The following SUSD1 variants were observed in gnomAD, a reference collection of about 807,000 sequenced individuals.
SUSD1 encodes sushi domain-containing protein 1.
Under a neutral mutation model 86.9 loss-of-function variants are expected in SUSD1, and 65 were observed. The observed-to-expected ratio is 0.75, with a 90% confidence interval of 0.61 to 0.92. The LOEUF is 0.92. SUSD1 is among the 40% of genes least tolerant of loss of function. SUSD1 has a pLI of 0.00. For missense variants in SUSD1, 850 were observed against 929.7 expected (o/e 0.91, Z 1.11); for synonymous variants, 346 against 350.0 (o/e 0.99, Z 0.13).
rs1045433649 is a variant in SUSD1, at chr9:112,102,104, T to C, written c.1281+72A>G. 3 of 735,294 alleles carry C rather than the reference T, an allele frequency of 4.1e-6. No individual in the cohort carries two copies. The African/African-American group carries it at 5.5e-5, about 13-fold the overall frequency. The allele number at this position is 735,294 out of a possible 1,614,324, so 45.5% of individuals were successfully genotyped here. A position where few individuals can be genotyped will look rare whatever the true frequency, so the allele number is the denominator to read the frequency against. On this transcript the variant is annotated intron_variant, in intron 9 of 16. Transcript: ENST00000374270. ...TTCATTCATTTTTAAATACTTTGGA[T>C]ACTTACTTGGAGATCGCCCAAATTT...
intron 13 of SUSD1, 95 bp from the exon 14 acceptor site, chr9:112,058,781 CTT>C: frequency 6.7e-7 from 1 of 1,488,588 alleles, no homozygotes; most frequent in Non-Finnish European, 9.0e-7. Flanking sequence ...AGACAAACCT[CTT>C]TCTTTGTTTT....
At chr9:112,141,345 C>T (rs559069745) in intron 5 of SUSD1, among the ~76,000 whole-genome samples, 1 of 152,314 alleles carries the variant, frequency 6.6e-6, no homozygotes, top group South Asian at 2.1e-4. Flanking sequence ...TAAAATAATA[C>T]TTGGCACACA....
chr9:112,043,030 A>G (rs538936686), intron 15 of SUSD1, among the ~76,000 whole-genome samples: 2 of 152,298 alleles, frequency 1.3e-5, no homozygotes, highest in Non-Finnish European at 2.9e-5. Context: ...GCCCCTGTTC[A>G]TTCCTGGGCG....
chr9:112,061,468 C>T (rs2118986290), intron 13 of SUSD1, among the ~76,000 whole-genome samples: 1 of 152,338 alleles, frequency 6.6e-6, no homozygotes, highest in Non-Finnish European at 1.5e-5. Flanking sequence ...TCTCCACTTC[C>T]TGTTTTGGAG....
intron 7 of SUSD1, 42 bp from the exon 8 acceptor site, chr9:112,111,882 C>A: frequency 6.3e-7 from 1 of 1,594,408 alleles, no homozygotes; most frequent in South Asian, 1.1e-5. Context: ...TGACTCCAGT[C>A]AAAACAATCC....
chr9:112,148,072 C>T (rs781950), intron 3 of SUSD1, among the ~76,000 whole-genome samples: 24,198 of 152,158 alleles, frequency 0.16, 2,341 homozygotes, highest in East Asian at 0.42. Context: ...TAAGAACCTA[C>T]GGTTCCTGGT....
In SUSD1 at chr9:112,128,224, C is replaced by A. The variant is rs368670741; in HGVS notation, c.707-3788G>T. On this transcript the variant is annotated intron_variant, in intron 5 of 16. Coordinates refer to ENST00000374270, the MANE Select transcript of SUSD1 (RefSeq NM_022486.5). ...TCTCATGCCTCAGCCTCCCAAGTAG[C>A]TGGGACTACAGGCATGCACCACCAC... Among the ~76,000 whole-genome samples, 73 of 152,212 alleles carry A rather than the reference C, an allele frequency of 4.8e-4. 1 individual carries two copies. The highest frequency in any genetic ancestry group is 1.6e-3 in the African/African-American group (65 of 41,520).
At chr9:112,110,998 GT>G (rs35991531) in intron 8 of SUSD1, among the ~76,000 whole-genome samples, 1 of 151,384 alleles carries the variant, frequency 6.6e-6, no homozygotes, top group Non-Finnish European at 1.5e-5. Context: ...GTTTTTTTGG[GT>G]TTTTTTTGAG....
chr9:112,052,161 G>T, intron 15 of SUSD1: 2 of 1,453,340 alleles, frequency 1.4e-6, no homozygotes, highest in East Asian at 5.1e-5. Flanking sequence ...TCACGGTGTT[G>T]AGTCCCCAGT....
At chr9:112,173,510 A>T (rs1303957731) in intron 1 of SUSD1, 2 of 231,234 alleles carry the variant, frequency 8.6e-6, no homozygotes, top group Non-Finnish European at 1.8e-5. Context: ...TCACGTTGGC[A>T]GACACAGATC....
rs1013907788 is a variant in SUSD1, at chr9:112,124,292, T to C, written c.851A>G (p.Lys284Arg). ...GGKITSVCTE[K>R]GTWRESTLTC... is the part of the protein sequence containing the mutation. ...TAAAGTACTTTCTCTCCAGGTGCCTTTCTCTGTGCAAACAGAAGTGATCTT... is the reference window on the plus strand; with the variant it reads ...TAAAGTACTTTCTCTCCAGGTGCCTCTCTCTGTGCAAACAGAAGTGATCTT... Residue 284 changes from lysine (K) to arginine (R), a missense_variant, in exon 6 of 17, where the codon AAA (lysine) becomes AGA (arginine). Lys to Arg is a conservative substitution (Grantham distance 26). Coordinates refer to ENST00000374270, the MANE Select transcript of SUSD1 (RefSeq NM_022486.5). 2.5e-6 allele frequency: 4 copies of C among 1,613,968 alleles called. No individual in the cohort carries two copies. Among genetic ancestry groups the C allele is most frequent in the Middle Eastern group, 1.7e-4 (1 of 6,052 alleles).
rs746946192 is a variant in SUSD1, at chr9:112,051,408, CTTTTTTTTTTT to C, written c.2149+980_2149+990del. On this transcript the variant is annotated intron_variant, in intron 15 of 16. Transcript: ENST00000374270. The stretch of plus-strand genomic sequence containing the variant: ...TGTTAAGGGAAGAAGTTTTTCTTTT[CTTTTTTTTTTT>C]TTTTTTTTTTTTTTGTTGTTGTTGT... 2.5e-4 allele frequency among the ~76,000 whole-genome samples: 19 copies of C among 77,044 alleles called. No homozygotes were observed. The Admixed American group carries it at 2.6e-3, about 11-fold the overall frequency. The allele number at this position is 77,044 out of a possible 152,430, so 50.5% of individuals were successfully genotyped here. A position where few individuals can be genotyped will look rare whatever the true frequency, so the allele number is the denominator to read the frequency against.
Position 112,047,459 on chromosome 9 carries a change from C to T in SUSD1, c.2149+4940G>A, listed in dbSNP as rs1474421079. The stretch of plus-strand genomic sequence containing the variant: ...GGTGGACTGAACTTCTTTCTGGAGG[C>T]TCTGGAGAAGAAGCTGCTTCCAAGC... On this transcript the variant is annotated intron_variant, in intron 15 of 16. Coordinates refer to ENST00000374270, the MANE Select transcript of SUSD1 (RefSeq NM_022486.5). Among the ~76,000 whole-genome samples, 3 of 152,280 alleles carry T rather than the reference C, an allele frequency of 2.0e-5. No homozygotes were observed. In the East Asian group the frequency reaches 5.8e-4, roughly 29 times the overall value.
intron 10 of SUSD1, among the ~76,000 whole-genome samples, chr9:112,080,871 TC>T (rs1829738984): frequency 6.6e-6 from 1 of 152,190 alleles, no homozygotes; most frequent in Non-Finnish European, 1.5e-5. Flanking sequence ...AGAGAATTGC[TC>T]CTTGAGGAAC....
chr9:112,171,953 T>C (rs574170230), intron 1 of SUSD1, among the ~76,000 whole-genome samples: 9 of 152,236 alleles, frequency 5.9e-5, no homozygotes, highest in East Asian at 1.9e-4. Context: ...CCCAGCAATT[T>C]GGGAGGCTGA....
chr9:112,115,757 C>A (rs1831284667), intron 6 of SUSD1, among the ~76,000 whole-genome samples: 1 of 130,972 alleles, frequency 7.6e-6, no homozygotes, highest in Non-Finnish European at 1.5e-5. Flanking sequence ...TGCAGTGAGC[C>A]AAGATTGTGC....
At chr9:112,059,001 C>T (rs957190460) in intron 13 of SUSD1, among the ~76,000 whole-genome samples, 5 of 152,164 alleles carry the variant, frequency 3.3e-5, no homozygotes, top group Non-Finnish European at 7.4e-5. Flanking sequence ...ACCATGTTGG[C>T]CAGGCTTGTC....
At chr9:112,056,207 C>T (rs1367452542) in intron 14 of SUSD1, among the ~76,000 whole-genome samples, 2 of 151,506 alleles carry the variant, frequency 1.3e-5, no homozygotes, top group African/African-American at 4.9e-5. Flanking sequence ...GTTGAGGCTG[C>T]AGTGAGCTAT....
At chr9:112,126,444 A>G (rs1485299125) in intron 5 of SUSD1, among the ~76,000 whole-genome samples, 1 of 152,202 alleles carries the variant, frequency 6.6e-6, no homozygotes, top group East Asian at 1.9e-4. Flanking sequence ...GGACTGCAAG[A>G]TTTTAAAAAA....
Sources: gnomAD v4.1 joint callset for allele counts (sites outside exome capture counted in the v4.1 genomes callset) on GRCh38, gnomAD v4.1.1 for gene constraint, MANE v1.5 for transcripts, NCBI Gene and HGNC (gene_info 2026-07-23, HGNC 2026-07-21) for gene names.